Variants in CREB3L2 observed in about 807,000 individuals in gnomAD.
CREB3L2 encodes cyclic AMP-responsive element-binding protein 3-like protein 2.
A neutral mutation model predicts 57.2 loss-of-function variants in CREB3L2; 23 were observed. That is an observed-to-expected ratio of 0.40 (90% CI 0.29 to 0.57). The LOEUF (loss-of-function observed/expected upper bound fraction) is 0.57, where lower values mean the gene tolerates loss of function less well. Ranked by LOEUF, CREB3L2 falls within the 20% of genes least tolerant of loss-of-function variation. The pLI is 0.42. For missense variants in CREB3L2, 628 were observed against 634.7 expected, an observed-to-expected ratio of 0.99 and a Z score of 0.11; for synonymous variants, 268 against 265.1, an observed-to-expected ratio of 1.01 and a Z score of -0.11.
rs760947235 is a variant in CREB3L2 at position 137,885,519 on chromosome 7, C to CAACAATGAT, written c.1044-18_1044-17insATCATTGTT. 1 of 1,586,682 alleles carries CAACAATGAT rather than the reference C, an allele frequency of 6.3e-7. No homozygotes were observed. The highest frequency in any genetic ancestry group is 8.7e-7 in the Non-Finnish European group (1 of 1,154,940). On this transcript the variant is annotated splice_polypyrimidine_tract_variant and intron_variant, in intron 8 of 11. Coordinates refer to ENST00000330387, the MANE Select transcript of CREB3L2 (RefSeq NM_194071.4). ...AGGAGAGTCCTGCCAATGATAACAA[C>CAACAATGAT]AGCCGTGAGGGGAGTCTGACAGAGA...
At chr7:137,898,696 T>C (rs148350306) in intron 8 of CREB3L2, among the ~76,000 whole-genome samples, 380 of 152,250 alleles carry the variant, frequency 2.5e-3, no homozygotes, top group African/African-American at 8.7e-3. Flanking sequence ...GTAGAGTCTG[T>C]AGTGGACGAA....
At chr7:137,988,757 C>T (rs1188440652) in intron 1 of CREB3L2, among the ~76,000 whole-genome samples, 2 of 152,128 alleles carry the variant, frequency 1.3e-5, no homozygotes, top group Admixed American at 6.5e-5. Context: ...ATGGGAAGGA[C>T]ATCCAGAGAT....
intron 1 of CREB3L2, among the ~76,000 whole-genome samples, chr7:137,990,015 G>T (rs1801860385): frequency 6.6e-6 from 1 of 152,152 alleles, no homozygotes; most frequent in Non-Finnish European, 1.5e-5. Flanking sequence ...TATCAATTCT[G>T]CCGTCCAGTC....
chr7:137,992,926 G>C (rs891917997), intron 1 of CREB3L2, among the ~76,000 whole-genome samples: 6 of 152,228 alleles, frequency 3.9e-5, no homozygotes, highest in Non-Finnish European at 7.3e-5. Flanking sequence ...TAGAGACTAA[G>C]GAAATGGAGG....
Position 137,922,659 on chromosome 7 carries a change from G to A in CREB3L2, c.319+5491C>T, listed in dbSNP as rs1260942288. 8.9e-6 allele frequency: 4 copies of A among 447,890 alleles called. No homozygotes were observed. The East Asian group carries it at 2.8e-4, about 31-fold the overall frequency. 27.7% of individuals were successfully genotyped at this position (447,890 alleles called of 1,614,324 possible). ...TTGAACCATGCGGGTCCACTCACAA[G>A]CAGATTTTTTTCAAATAAACGTGGA... On this transcript the variant is annotated intron_variant, in intron 2 of 11. Coordinates refer to ENST00000330387, the MANE Select transcript of CREB3L2 (RefSeq NM_194071.4).
intron 5 of CREB3L2, among the ~76,000 whole-genome samples, chr7:137,906,983 C>T (rs533412674): frequency 3.2e-4 from 49 of 152,234 alleles, no homozygotes; most frequent in African/African-American, 1.2e-3. Context: ...TGGACTAATA[C>T]ATTAGCTAAA....
Position 137,918,283 on chromosome 7 carries a change from C to T in CREB3L2, c.320-2271G>A, listed in dbSNP as rs534752383. On this transcript the variant is annotated intron_variant, in intron 2 of 11. Transcript: ENST00000330387. The stretch of plus-strand genomic sequence containing the variant: ...TCGGCTCGCTGCAAACTCCGCCTCC[C>T]GGATTCAAGCGATTCTCCTGCCTCA... Among the ~76,000 whole-genome samples, 8 of 152,224 alleles carry T rather than the reference C, an allele frequency of 5.3e-5. No homozygotes were observed. The East Asian group carries it at 1.2e-3, about 22-fold the overall frequency.
At chr7:137,973,461 G>A (rs920625456) in intron 1 of CREB3L2, among the ~76,000 whole-genome samples, 25 of 152,298 alleles carry the variant, frequency 1.6e-4, no homozygotes, top group African/African-American at 5.5e-4. Context: ...TGACCCTCGG[G>A]AGCTAGAGGA....
In CREB3L2 at chr7:137,878,400, G is replaced by T. The variant is rs543024958; in HGVS notation, c.*2076C>A. 3.5e-4 allele frequency: 81 copies of T among 232,672 alleles called. No homozygotes were observed. The highest frequency in any genetic ancestry group is 6.1e-4 in the Non-Finnish European group (72 of 117,836). 14.4% of individuals were successfully genotyped at this position (232,672 alleles called of 1,614,324 possible). Reference sequence around the variant, plus strand: ...AAATCTTATCTTTTTGCCTTCTTTGGGCCCTATAGGCTGCCTATGCCTGAT... The same window carrying T: ...AAATCTTATCTTTTTGCCTTCTTTGTGCCCTATAGGCTGCCTATGCCTGAT... On this transcript the variant is annotated 3_prime_UTR_variant, in exon 12 of 12. Coordinates refer to ENST00000330387, the MANE Select transcript of CREB3L2 (RefSeq NM_194071.4).
chr7:137,975,207 C>T (rs1368580217), intron 1 of CREB3L2, among the ~76,000 whole-genome samples: 1 of 152,142 alleles, frequency 6.6e-6, no homozygotes, highest in Non-Finnish European at 1.5e-5. Context: ...CTCAACAAGG[C>T]CATCAGTTGT....
chr7:137,919,375 T>C (rs1207105499), intron 2 of CREB3L2, among the ~76,000 whole-genome samples: 1 of 152,140 alleles, frequency 6.6e-6, no homozygotes, highest in Non-Finnish European at 1.5e-5. Context: ...TTTCACCATG[T>C]TGGCTAGGCT....
intron 6 of CREB3L2, among the ~76,000 whole-genome samples, chr7:137,904,586 T>A (rs1795579457): frequency 6.6e-6 from 1 of 151,722 alleles, no homozygotes; most frequent in Non-Finnish European, 1.5e-5. Context: ...ATCGCTTGAG[T>A]CCGGGAGGCA....
intron 1 of CREB3L2, among the ~76,000 whole-genome samples, chr7:137,939,412 T>C (rs749827465): frequency 6.6e-6 from 1 of 152,156 alleles, no homozygotes; most frequent in Non-Finnish European, 1.5e-5. Flanking sequence ...AAAATGCTTT[T>C]TGAATTGTAA....
At chr7:137,922,551 T>C (rs1240938599) in intron 2 of CREB3L2, 1 of 410,204 alleles carries the variant, frequency 2.4e-6, no homozygotes, top group Non-Finnish European at 5.0e-6. Context: ...TGGGCATTTA[T>C]TCTTAAAAAG....
intron 1 of CREB3L2, among the ~76,000 whole-genome samples, chr7:137,939,132 C>G (rs183654320): frequency 9.2e-5 from 14 of 152,304 alleles, no homozygotes; most frequent in Non-Finnish European, 1.8e-4. Flanking sequence ...GAGTATCCAA[C>G]AAGTACCAAC....
chr7:137,988,980 G>A (rs1333312927), intron 1 of CREB3L2, among the ~76,000 whole-genome samples: 5 of 149,868 alleles, frequency 3.3e-5, no homozygotes, highest in Non-Finnish European at 7.4e-5. Flanking sequence ...AGGGAGGGAG[G>A]GAGGGAAGGA....
chr7:137,996,638 G>C (rs532005906), intron 1 of CREB3L2, among the ~76,000 whole-genome samples: 1 of 152,320 alleles, frequency 6.6e-6, no homozygotes, highest in East Asian at 1.9e-4. Flanking sequence ...CAGTCTGTGA[G>C]ATCAGCCAAC....
At chr7:137,963,659 T>C (rs1209036051) in intron 1 of CREB3L2, among the ~76,000 whole-genome samples, 2 of 152,210 alleles carry the variant, frequency 1.3e-5, no homozygotes, top group Non-Finnish European at 2.9e-5. Flanking sequence ...TGTATTTATA[T>C]TAGAGTCTCT....
intron 1 of CREB3L2, among the ~76,000 whole-genome samples, chr7:137,994,693 C>T (rs1393516366): frequency 6.6e-6 from 1 of 152,140 alleles, no homozygotes; most frequent in Non-Finnish European, 1.5e-5. Flanking sequence ...TGCCTGTAAT[C>T]CTAGCACTGT....
Sources: allele counts gnomAD v4.1 joint callset (sites outside exome capture counted in the v4.1 genomes callset), GRCh38; gene constraint gnomAD v4.1.1; transcripts MANE v1.5; gene names NCBI Gene and HGNC (gene_info 2026-07-23, HGNC 2026-07-21).